The following CNTN4 variants were observed in gnomAD, a reference collection of about 807,000 sequenced individuals.
CNTN4 encodes contactin 4.
Under a neutral mutation model 122.5 loss-of-function variants are expected in CNTN4, and 77 were observed. That is an observed-to-expected ratio of 0.63 (90% CI 0.52 to 0.76). The LOEUF (loss-of-function observed/expected upper bound fraction) is 0.76. CNTN4 is among the 30% of genes least tolerant of loss of function. CNTN4 has a pLI of 0.00. For synonymous variants in CNTN4, 512 were observed against 447.0 expected (o/e 1.15, Z -1.83); for missense variants, 1,256 against 1,259.1 (o/e 1.00, Z 0.04).
chr3:2,602,284 G>C (rs969212805), intron 4 of CNTN4, among the ~76,000 whole-genome samples: 5 of 152,122 alleles, frequency 3.3e-5, no homozygotes, highest in Admixed American at 2.6e-4. Flanking sequence ...ATTCAATTAG[G>C]AAAAGATGTA....
At chr3:2,235,647 A>T (rs1005892330) in intron 2 of CNTN4, among the ~76,000 whole-genome samples, 1 of 152,158 alleles carries the variant, frequency 6.6e-6, no homozygotes, top group African/African-American at 2.4e-5. Flanking sequence ...AATGGTTACT[A>T]TGCCAACTAG....
intron 4 of CNTN4, among the ~76,000 whole-genome samples, chr3:2,733,145 C>T (rs1182548809): frequency 6.6e-6 from 1 of 152,042 alleles, no homozygotes. Flanking sequence ...ACGTTTTATT[C>T]TTATGTGGAA....
At chr3:2,919,714 T>A (rs1345495155) in intron 12 of CNTN4, among the ~76,000 whole-genome samples, 1 of 152,230 alleles carries the variant, frequency 6.6e-6, no homozygotes, top group African/African-American at 2.4e-5. Context: ...CAATTTGGAC[T>A]GATATAAGAA....
intron 4 of CNTN4, among the ~76,000 whole-genome samples, chr3:2,600,705 G>A (rs1176693296): frequency 6.6e-6 from 1 of 152,056 alleles, no homozygotes; most frequent in Non-Finnish European, 1.5e-5. Context: ...TAGTCCTTTG[G>A]GTATATACCC....
At chr3:2,681,743 A>G (rs2085178307) in intron 4 of CNTN4, among the ~76,000 whole-genome samples, 1 of 152,072 alleles carries the variant, frequency 6.6e-6, no homozygotes, top group South Asian at 2.1e-4. Context: ...ATATTTTCTA[A>G]TAATCACTCA....
Position 2,120,759 on chromosome 3 carries a change from G to C in CNTN4, c.-145+20120G>C, listed in dbSNP as rs140959060. On this transcript the variant is annotated intron_variant, in intron 2 of 24. Transcript: ENST00000418658. ...CTCACGAGTGTGGACTGCTAGCTAA[G>C]GCTGGCTCATCAATATTTGTCTAGA... is the stretch of plus-strand genomic sequence containing the variant. 7.9e-3 allele frequency among the ~76,000 whole-genome samples: 1,198 copies of C among 152,072 alleles called. 11 individuals are homozygous for C. Among genetic ancestry groups the C allele is most frequent in the Non-Finnish European group, 0.012 (817 of 68,000 alleles).
intron 7 of CNTN4, among the ~76,000 whole-genome samples, chr3:2,829,991 A>T (rs1024432381): frequency 2.0e-5 from 3 of 152,224 alleles, no homozygotes; most frequent in African/African-American, 7.2e-5. Context: ...CAGCTACTTA[A>T]TAAATACCAG....
intron 4 of CNTN4, among the ~76,000 whole-genome samples, chr3:2,574,594 C>G (rs2079575916): frequency 6.6e-6 from 1 of 152,142 alleles, no homozygotes; most frequent in Non-Finnish European, 1.5e-5. Flanking sequence ...TGCCAGTAAT[C>G]TAAAAGTTCA....
intron 3 of CNTN4, among the ~76,000 whole-genome samples, chr3:2,563,458 A>G (rs945294348): frequency 3.3e-5 from 5 of 152,302 alleles, no homozygotes; most frequent in South Asian, 2.1e-4. Context: ...TATATAGTAA[A>G]TGCTGTTTAA....
intron 3 of CNTN4, among the ~76,000 whole-genome samples, chr3:2,533,543 C>G (rs2077681253): frequency 6.6e-6 from 1 of 152,108 alleles, no homozygotes; most frequent in Non-Finnish European, 1.5e-5. Context: ...CATTGATGGA[C>G]ATTTGGGTTG....
intron 4 of CNTN4, among the ~76,000 whole-genome samples, chr3:2,687,464 C>A (rs192619385): frequency 2.0e-5 from 3 of 152,116 alleles, no homozygotes; most frequent in Admixed American, 2.0e-4. Context: ...AGTTTGAGAC[C>A]AGCCTGGGCA....
At chr3:3,042,463 A>T in intron 21 of CNTN4, 41 bp downstream of exon 21, 1 of 1,269,996 alleles carries the variant, frequency 7.9e-7, no homozygotes, top group African/African-American at 1.5e-5. Context: ...AAGAGAGTCT[A>T]TGCCCCTTGA....
rs554119731 is a variant in CNTN4, at chr3:2,676,616, A to C, written c.56-59599A>C. Among the ~76,000 whole-genome samples the C allele has an allele frequency of 4.6e-5, 7 of 152,318 alleles. No homozygotes were observed. In the East Asian group the frequency reaches 9.7e-4, roughly 21 times the overall value. On this transcript the variant is annotated intron_variant, in intron 4 of 24. Coordinates refer to ENST00000418658, the MANE Select transcript of CNTN4 (RefSeq NM_175607.3). ...ACCTCATTTGAAGTGCACCTTGATG[A>C]ATGGATGAGCAAGAGTTGGCCAGGT...
intron 14 of CNTN4, among the ~76,000 whole-genome samples, chr3:3,009,190 TA>T (rs1343301163): frequency 2.0e-5 from 3 of 152,174 alleles, no homozygotes; most frequent in African/African-American, 7.2e-5. Context: ...GGGCCATGGT[TA>T]CTTTCCTCGG....
At chr3:2,476,676 G>A (rs931160821) in intron 3 of CNTN4, among the ~76,000 whole-genome samples, 1 of 152,170 alleles carries the variant, frequency 6.6e-6, no homozygotes, top group African/African-American at 2.4e-5. Context: ...ATTGACTGCA[G>A]AGGGTCCTGA....
intron 3 of CNTN4, among the ~76,000 whole-genome samples, chr3:2,536,974 T>C (rs1042416943): frequency 3.3e-5 from 5 of 152,104 alleles, no homozygotes; most frequent in African/African-American, 1.2e-4. Flanking sequence ...TATAAAATAA[T>C]ATAAAAGCCA....
intron 23 of CNTN4, among the ~76,000 whole-genome samples, chr3:3,047,494 C>T (rs1319714868): frequency 6.6e-6 from 1 of 150,834 alleles, no homozygotes; most frequent in African/African-American, 2.4e-5. Context: ...CGCTCAACTA[C>T]ATGGCAACTG....
At chr3:2,762,395 T>C (rs2090631074) in intron 6 of CNTN4, among the ~76,000 whole-genome samples, 1 of 152,206 alleles carries the variant, frequency 6.6e-6, no homozygotes, top group African/African-American at 2.4e-5. Context: ...TCCCAGTATC[T>C]GTTGTTCCCT....
At chr3:2,684,510 G>C (rs748570845) in intron 4 of CNTN4, among the ~76,000 whole-genome samples, 5 of 152,150 alleles carry the variant, frequency 3.3e-5, no homozygotes, top group Non-Finnish European at 7.4e-5. Context: ...GCCTACAGTA[G>C]AGTCTAATGC....
Sources: gnomAD v4.1 joint callset for allele counts (sites outside exome capture counted in the v4.1 genomes callset) on GRCh38, gnomAD v4.1.1 for gene constraint, MANE v1.5 for transcripts, NCBI Gene and HGNC (gene_info 2026-07-23, HGNC 2026-07-21) for gene names.